Variants in COL14A1 observed in about 807,000 individuals in gnomAD.
COL14A1 encodes collagen type XIV alpha 1 chain.
In COL14A1, 136 loss-of-function variants were observed where a neutral mutation model predicts 230.3. That is an observed-to-expected ratio of 0.59 (90% CI 0.51 to 0.68). COL14A1 has a LOEUF of 0.68. Ranked by LOEUF, COL14A1 falls within the 30% of genes least tolerant of loss-of-function variation. The pLI, the probability that COL14A1 is intolerant of heterozygous loss-of-function variation, is 0.00. For synonymous variants in COL14A1, 792 were observed against 784.1 expected (o/e 1.01, Z -0.17); for missense variants, 1,976 against 2,215.8 (o/e 0.89, Z 2.17).
intron 1 of COL14A1, among the ~76,000 whole-genome samples, chr8:120,145,216 T>C (rs1815046909): frequency 6.6e-6 from 1 of 152,160 alleles, no homozygotes; most frequent in Non-Finnish European, 1.5e-5. Context: ...ACAACCTCTG[T>C]GATGGTGGAA....
At chr8:120,198,492 A>G (rs551473994) in intron 7 of COL14A1, among the ~76,000 whole-genome samples, 2 of 152,092 alleles carry the variant, frequency 1.3e-5, no homozygotes, top group Non-Finnish European at 2.9e-5. Flanking sequence ...GTTTGTAAAA[A>G]TTTTCACCTT....
At chr8:120,206,331 CTTAG>C (rs973605589) in intron 9 of COL14A1, among the ~76,000 whole-genome samples, 2 of 152,098 alleles carry the variant, frequency 1.3e-5, no homozygotes, top group African/African-American at 4.8e-5. Flanking sequence ...TACACACATG[CTTAG>C]TTAATGTTTG....
chr8:120,348,169 GTATA>G (rs532464787), intron 45 of COL14A1, among the ~76,000 whole-genome samples: 1 of 102,906 alleles, frequency 9.7e-6, no homozygotes. Flanking sequence ...AAACTGTGGT[GTATA>G]TATATATATG....
At chr8:120,322,873 G>C (rs1265634314) in intron 40 of COL14A1, among the ~76,000 whole-genome samples, 1 of 152,198 alleles carries the variant, frequency 6.6e-6, no homozygotes, top group Non-Finnish European at 1.5e-5. Flanking sequence ...ACACATGCAT[G>C]TGTCTTTATA....
chr8:120,323,200 G>T (rs1368703153), intron 40 of COL14A1, among the ~76,000 whole-genome samples: 1 of 151,818 alleles, frequency 6.6e-6, no homozygotes, highest in Non-Finnish European at 1.5e-5. Flanking sequence ...ATGTTTGTTG[G>T]CTGCGTGCAT....
In COL14A1 at chr8:120,255,251, G is replaced by A. The variant is rs11774228; in HGVS notation, c.2764G>A (p.Val922Ile). The stretch of plus-strand genomic sequence containing the variant: ...CTATTTCATTCCAGTGTTCTTGGGT[G>A]TTACCAATCTCCAAGCCAAACATGT... ...TGMVKTLFLG[V>I]TNLQAKHVEM... is the part of the protein sequence containing the mutation. Residue 922 changes from valine (V) to isoleucine (I), a missense_variant, in exon 23 of 48, where the codon GTT becomes ATT. Physicochemically the swap from Val to Ile is conservative, Grantham distance 29. Transcript: ENST00000297848. 12,552 of 1,613,346 alleles carry A rather than the reference G, an allele frequency of 7.8e-3. 70 individuals carry two copies. The highest frequency in any genetic ancestry group is 0.017 in the Middle Eastern group (105 of 6,058).
rs181092932 is a variant in COL14A1, at chr8:120,156,357, T to C, written c.89-1773T>C. 2.6e-3 allele frequency among the ~76,000 whole-genome samples: 392 copies of C among 152,238 alleles called. 2 individuals are homozygous for C. Among genetic ancestry groups the C allele is most frequent in the African/African-American group, 8.0e-3 (334 of 41,548 alleles). ...GCTAATTCTGTATTTTTAGTAGAGA[T>C]GGGGTTTCACCGTGTTGGTCAGGCT... On this transcript the variant is annotated intron_variant, in intron 2 of 47. Coordinates refer to ENST00000297848, the MANE Select transcript of COL14A1 (RefSeq NM_021110.4).
At chr8:120,268,207 T>C (rs752889923) in intron 25 of COL14A1, among the ~76,000 whole-genome samples, 2 of 151,882 alleles carry the variant, frequency 1.3e-5, no homozygotes, top group East Asian at 3.9e-4. Flanking sequence ...CCCATACATG[T>C]CTTATGCTGT....
At chr8:120,274,348 T>C (rs1202532498) in intron 26 of COL14A1, among the ~76,000 whole-genome samples, 1 of 151,796 alleles carries the variant, frequency 6.6e-6, no homozygotes, top group African/African-American at 2.4e-5. Flanking sequence ...ATGCTATATA[T>C]AGCAACCTCA....
intron 19 of COL14A1, among the ~76,000 whole-genome samples, chr8:120,236,227 C>G (rs2130830949): frequency 6.6e-6 from 1 of 152,196 alleles, no homozygotes; most frequent in Non-Finnish European, 1.5e-5. Flanking sequence ...TTAAAGTTTC[C>G]TACTATTATT....
intron 4 of COL14A1, among the ~76,000 whole-genome samples, chr8:120,163,539 G>A (rs12543460): frequency 0.61 from 92,140 of 151,936 alleles, 31,367 homozygotes; most frequent in Non-Finnish European, 0.75. Flanking sequence ...CGAGGCGGGC[G>A]GATCACCTGA....
chr8:120,331,429 T>C (rs948963420), intron 40 of COL14A1, among the ~76,000 whole-genome samples: 7 of 152,228 alleles, frequency 4.6e-5, no homozygotes, highest in Non-Finnish European at 1.0e-4. Flanking sequence ...AATTAAGAGC[T>C]ATAAACATTT....
At chr8:120,265,617 A>G (rs1482230608) in intron 24 of COL14A1, among the ~76,000 whole-genome samples, 1 of 151,158 alleles carries the variant, frequency 6.6e-6, no homozygotes, top group Non-Finnish European at 1.5e-5. Context: ...AAGCACATAT[A>G]TATAAAATAA....
intron 5 of COL14A1, among the ~76,000 whole-genome samples, chr8:120,178,080 T>TTTG (rs1816343376): frequency 1.3e-5 from 2 of 152,038 alleles, no homozygotes; most frequent in South Asian, 2.1e-4. Flanking sequence ...CTGTTTTTTT[T>TTTG]TTTGTTTGTT....
chr8:120,310,169 G>A, intron 37 of COL14A1, 107 bp downstream of exon 37: 1 of 1,103,590 alleles, frequency 9.1e-7, no homozygotes, highest in Non-Finnish European at 1.3e-6. Flanking sequence ...GCAATCTAAA[G>A]TTCCTTATAG....
chr8:120,304,981 T>C (rs1019206256), intron 36 of COL14A1, among the ~76,000 whole-genome samples: 2 of 146,928 alleles, frequency 1.4e-5, no homozygotes, highest in Non-Finnish European at 3.0e-5. Context: ...TGTGAAAACT[T>C]TTTTTTTTTT....
At chr8:120,148,046 T>C in intron 2 of COL14A1, 116 bp downstream of exon 2, 1 of 708,516 alleles carries the variant, frequency 1.4e-6, no homozygotes. Context: ...TTTTACCAAC[T>C]GTTTGCACTG....
At position 120,372,831 on chromosome 8, in the gene COL14A1, CG is replaced by C. The variant is rs906214910; in HGVS notation, c.*1606del. ...TGCCTTTGGTGGGGTGGGGCAGGGGCGGGGGGCGGTTCTAAACAAATCAGTT... is the reference window on the plus strand; with the variant it reads ...TGCCTTTGGTGGGGTGGGGCAGGGGCGGGGGCGGTTCTAAACAAATCAGTT... On this transcript the variant is annotated 3_prime_UTR_variant, in exon 48 of 48. Coordinates refer to ENST00000297848, the MANE Select transcript of COL14A1 (RefSeq NM_021110.4). Among the ~76,000 whole-genome samples, 10 of 139,796 alleles carry C rather than the reference CG, an allele frequency of 7.2e-5. No homozygotes were observed. Among genetic ancestry groups the C allele is most frequent in the East Asian group, 4.9e-4 (2 of 4,062 alleles). The allele number at this position is 139,796 out of a possible 152,430, so 91.7% of individuals were successfully genotyped here. A position where few individuals can be genotyped will look rare whatever the true frequency, so the allele number is the denominator to read the frequency against.
chr8:120,290,335 G>C (rs1820334718), intron 34 of COL14A1, among the ~76,000 whole-genome samples: 1 of 151,984 alleles, frequency 6.6e-6, no homozygotes, highest in Admixed American at 6.6e-5. Context: ...TTACAACATG[G>C]AATTTAAATC....
Sources: allele counts gnomAD v4.1 joint callset (sites outside exome capture counted in the v4.1 genomes callset), GRCh38; gene constraint gnomAD v4.1.1; transcripts MANE v1.5; gene names NCBI Gene and HGNC (gene_info 2026-07-23, HGNC 2026-07-21).